The following CLECL1 variants were observed in gnomAD, a reference collection of about 807,000 sequenced individuals.
CLECL1 encodes C-type lectin-like domain family 1.
intron 3 of CLECL1, 129 bp from the exon 2 acceptor site, chr12:9,722,942 TTC>T: frequency 1.7e-6 from 1 of 593,698 alleles, no homozygotes. Context: ...ATGTGCTTTG[TTC>T]CAGGGTACAT....
chr12:9,713,739 G>A (rs1188666319), downstream of CLECL1, among the ~76,000 whole-genome samples: 6 of 152,128 alleles, frequency 3.9e-5, no homozygotes, highest in Non-Finnish European at 7.4e-5. Context: ...CTAAGGTAGC[G>A]ACAAAGTTTT....
intron 3 of CLECL1, among the ~76,000 whole-genome samples, chr12:9,725,527 C>A (rs1387701340): frequency 7.0e-6 from 1 of 143,302 alleles, no homozygotes; most frequent in Non-Finnish European, 1.5e-5. Flanking sequence ...TGTTTCACAC[C>A]CATTTTGATA....
At chr12:9,726,498 G>A (rs1866381549) in intron 3 of CLECL1, among the ~76,000 whole-genome samples, 2 of 152,064 alleles carry the variant, frequency 1.3e-5, no homozygotes, top group African/African-American at 4.8e-5. Flanking sequence ...GGGCTAGAAA[G>A]CAAAGGCCCA....
chr12:9,717,804 T>G (rs755471898), downstream of CLECL1, among the ~76,000 whole-genome samples: 2 of 152,208 alleles, frequency 1.3e-5, no homozygotes, highest in Non-Finnish European at 2.9e-5. Context: ...CAGTAAGACC[T>G]GAAATTGAAT....
chr12:9,725,415 AAGAT>A (rs750340462), intron 3 of CLECL1, among the ~76,000 whole-genome samples: 1 of 152,122 alleles, frequency 6.6e-6, no homozygotes, highest in South Asian at 2.1e-4. Flanking sequence ...ATTATTGCGA[AAGAT>A]AGAGCAACTA....
chr12:9,716,850 T>G, intron 2 of CLECL1: 1 of 824,554 alleles, frequency 1.2e-6, no homozygotes, highest in Admixed American at 2.5e-5. Context: ...CTGAATGGAT[T>G]ATTATGGGAC....
At chr12:9,723,547 G>A (rs1046122023) in intron 3 of CLECL1, among the ~76,000 whole-genome samples, 1 of 152,038 alleles carries the variant, frequency 6.6e-6, no homozygotes, top group African/African-American at 2.4e-5. Context: ...AGAAGGTATG[G>A]CAGGGCAAAA....
At chr12:9,710,381 A>T in the CLECL1 span, among the ~76,000 whole-genome samples, 2 of 152,156 alleles carry the variant, frequency 1.3e-5, no homozygotes, top group Non-Finnish European at 2.9e-5. Context: ...AGTGGGAAGC[A>T]GCTAAGACCA....
At chr12:9,728,546 A>G (rs1029109992) in intron 2 of CLECL1, among the ~76,000 whole-genome samples, 2 of 151,858 alleles carry the variant, frequency 1.3e-5, no homozygotes, top group African/African-American at 4.8e-5. Context: ...TTCTAGAGAA[A>G]CTTTTTAAGA....
intron 3 of CLECL1, among the ~76,000 whole-genome samples, chr12:9,724,374 A>T (rs765906013): frequency 6.6e-6 from 1 of 152,310 alleles, no homozygotes; most frequent in East Asian, 1.9e-4. Flanking sequence ...AGGACAATCA[A>T]TGCAGCTCAA....
intron 1 of CLECL1, among the ~76,000 whole-genome samples, chr12:9,732,329 G>T (rs1263792022): frequency 6.6e-6 from 1 of 152,160 alleles, no homozygotes. Context: ...ATACTTCAAA[G>T]AATAGAAAAG....
chr12:9,708,691 T>C, the CLECL1 span, among the ~76,000 whole-genome samples: 1 of 152,136 alleles, frequency 6.6e-6, no homozygotes, highest in Admixed American at 6.5e-5. Flanking sequence ...TTCTCCGGAT[T>C]TTCTCTACTT....
At chr12:9,713,008 C>T (rs1473992550), downstream of CLECL1, among the ~76,000 whole-genome samples, 3 of 152,140 alleles carry the variant, frequency 2.0e-5, no homozygotes, top group South Asian at 2.1e-4. Context: ...CTGGGAGCAT[C>T]GGCAAGCTAC....
the CLECL1 span, among the ~76,000 whole-genome samples, chr12:9,708,542 T>C: frequency 5.9e-5 from 9 of 152,098 alleles, no homozygotes; most frequent in African/African-American, 2.2e-4. Context: ...ACAATATAAA[T>C]GGGCAGCCAA....
intron 3 of CLECL1, among the ~76,000 whole-genome samples, chr12:9,723,853 G>C (rs937551581): frequency 6.6e-6 from 1 of 152,086 alleles, no homozygotes; most frequent in Non-Finnish European, 1.5e-5. Context: ...CCCAAAGATA[G>C]AGATTTAAAT....
chr12:9,719,010 T>C (rs1351587626), downstream of CLECL1, among the ~76,000 whole-genome samples: 1 of 152,210 alleles, frequency 6.6e-6, no homozygotes, highest in Non-Finnish European at 1.5e-5. Context: ...ATATACCTCT[T>C]ACATGTTTGT....
downstream of CLECL1, among the ~76,000 whole-genome samples, chr12:9,717,796 G>A (rs1041505742): frequency 3.9e-5 from 6 of 152,014 alleles, no homozygotes; most frequent in Admixed American, 1.3e-4. Flanking sequence ...TAGCTTTACA[G>A]TAAGACCTGA....
chr12:9,717,139 G>C (rs778320121), intron 2 of CLECL1, among the ~76,000 whole-genome samples: 1 of 152,316 alleles, frequency 6.6e-6, no homozygotes, highest in East Asian at 1.9e-4. Flanking sequence ...GACTGGGTGC[G>C]GTGGCTCATG....
downstream of CLECL1, among the ~76,000 whole-genome samples, chr12:9,721,540 A>C (rs1866312799): frequency 6.6e-6 from 1 of 152,152 alleles, no homozygotes; most frequent in Admixed American, 6.5e-5. Flanking sequence ...CGTTCTCCTA[A>C]ATCTGGTTTA....
Sources: gnomAD v4.1 joint callset for allele counts (sites outside exome capture counted in the v4.1 genomes callset) on GRCh38, gnomAD v4.1.1 for gene constraint, MANE v1.5 for transcripts, NCBI Gene and HGNC (gene_info 2026-07-23, HGNC 2026-07-21) for gene names.